The following ROR1 variants were observed in gnomAD, a reference collection of about 807,000 sequenced individuals.
ROR1 encodes inactive tyrosine-protein kinase transmembrane receptor ROR1.
Under a neutral mutation model 78.8 loss-of-function variants are expected in ROR1, and 19 were observed. The ratio of observed to expected loss-of-function variants is 0.24; its 90% CI spans 0.17 to 0.35. The LOEUF is 0.35. Ranked by LOEUF, ROR1 falls within the 10% of genes least tolerant of loss-of-function variation. ROR1 has a pLI of 1.00. For missense variants in ROR1, 917 were observed against 1,177.8 expected, an observed-to-expected ratio of 0.78 and a Z score of 3.24; for synonymous variants, 386 against 433.6, an observed-to-expected ratio of 0.89 and a Z score of 1.36.
intron 4 of ROR1, among the ~76,000 whole-genome samples, chr1:64,059,708 T>A (rs1384618909): frequency 2.3e-5 from 3 of 130,850 alleles, no homozygotes; most frequent in African/African-American, 2.9e-5. Flanking sequence ...GACTCCATCT[T>A]AAAAAAAAAA....
At chr1:63,812,330 T>C (rs927320572) in intron 1 of ROR1, among the ~76,000 whole-genome samples, 1 of 152,342 alleles carries the variant, frequency 6.6e-6, no homozygotes, top group Non-Finnish European at 1.5e-5. Flanking sequence ...TTACATATCA[T>C]CTGTGATTGC....
intron 1 of ROR1, among the ~76,000 whole-genome samples, chr1:63,983,610 G>A (rs1233915834): frequency 2.6e-5 from 4 of 152,152 alleles, no homozygotes; most frequent in Non-Finnish European, 5.9e-5. Context: ...CTGGTACCCT[G>A]CAATCCCTCC....
At chr1:64,046,111 A>G (rs900596246) in intron 2 of ROR1, among the ~76,000 whole-genome samples, 1 of 152,122 alleles carries the variant, frequency 6.6e-6, no homozygotes. Context: ...AGCTGCCCAT[A>G]TAGAAACACA....
At chr1:63,925,106 G>A (rs1245599511) in intron 1 of ROR1, among the ~76,000 whole-genome samples, 1 of 149,956 alleles carries the variant, frequency 6.7e-6, no homozygotes, top group Non-Finnish European at 1.5e-5. Context: ...CTGGTGCGCT[G>A]CACCCACTAA....
At chr1:63,840,924 A>G (rs1358536048) in intron 1 of ROR1, among the ~76,000 whole-genome samples, 1 of 152,172 alleles carries the variant, frequency 6.6e-6, no homozygotes, top group Non-Finnish European at 1.5e-5. Flanking sequence ...GTTAACTACT[A>G]CTGTTTTCAA....
At chr1:63,812,533 G>A (rs372505273) in intron 1 of ROR1, among the ~76,000 whole-genome samples, 28 of 152,122 alleles carry the variant, frequency 1.8e-4, no homozygotes, top group Non-Finnish European at 3.8e-4. Flanking sequence ...TGAATGAATG[G>A]ATGAATGAAT....
intron 2 of ROR1, among the ~76,000 whole-genome samples, chr1:64,014,762 A>ACGCACAC (rs1570060721): frequency 3.2e-5 from 2 of 63,396 alleles, no homozygotes; most frequent in East Asian, 1.8e-3. Context: ...ATATATATAT[A>ACGCACAC]TATATATATA....
intron 1 of ROR1, among the ~76,000 whole-genome samples, chr1:63,848,358 T>C (rs1645094462): frequency 6.6e-6 from 1 of 152,214 alleles, no homozygotes; most frequent in Admixed American, 6.5e-5. Flanking sequence ...AATAAGATCC[T>C]GTTACACATT....
chr1:64,162,373 G>C (rs1649970908), intron 8 of ROR1, among the ~76,000 whole-genome samples: 1 of 152,210 alleles, frequency 6.6e-6, no homozygotes, highest in African/African-American at 2.4e-5. Flanking sequence ...ATAGGGAGCT[G>C]CCGACAGACT....
At chr1:63,795,669 C>G (rs1644755905) in intron 1 of ROR1, among the ~76,000 whole-genome samples, 1 of 152,182 alleles carries the variant, frequency 6.6e-6, no homozygotes, top group Non-Finnish European at 1.5e-5. Context: ...TGTTTGAACA[C>G]TTAGACTGCT....
chr1:64,150,563 G>A (rs1202052163), intron 7 of ROR1, among the ~76,000 whole-genome samples: 2 of 152,204 alleles, frequency 1.3e-5, no homozygotes, highest in Admixed American at 1.3e-4. Context: ...TAGAAGACCT[G>A]TTGTAAGGCA....
chr1:64,164,193 G>A (rs1650022977), intron 8 of ROR1, among the ~76,000 whole-genome samples: 1 of 152,030 alleles, frequency 6.6e-6, no homozygotes, highest in African/African-American at 2.4e-5. Context: ...GCTCCCCCTT[G>A]AGTGTAATGA....
chr1:64,136,113 T>C (rs1255231485), intron 4 of ROR1, among the ~76,000 whole-genome samples: 1 of 152,184 alleles, frequency 6.6e-6, no homozygotes, highest in African/African-American at 2.4e-5. Context: ...AGAATAGCCA[T>C]ATATTATCTC....
Position 64,049,674 on chromosome 1 carries a change from CCT to C in ROR1, c.164-12_164-11del, listed in dbSNP as rs1292026219. On this transcript the variant is annotated splice_polypyrimidine_tract_variant and intron_variant, in intron 2 of 8. Coordinates refer to ENST00000371079, the MANE Select transcript of ROR1 (RefSeq NM_005012.4). ...AGCTGTCTGCCCCTCTCACCTGCCT[CCT>C]CTCTGTGCTCACAGATTCTTACCTG... is the stretch of plus-strand genomic sequence containing the variant. The C allele has an allele frequency of 6.2e-7, 1 of 1,607,508 alleles. No homozygotes were observed. Among genetic ancestry groups the C allele is most frequent in the Non-Finnish European group, 8.5e-7 (1 of 1,175,744 alleles).
chr1:63,824,017 G>A (rs979554414), intron 1 of ROR1, among the ~76,000 whole-genome samples: 2 of 152,122 alleles, frequency 1.3e-5, no homozygotes, highest in African/African-American at 4.8e-5. Context: ...CAAAGTATTG[G>A]AATTACAGGC....
chr1:63,789,042 C>T (rs1018343848), intron 1 of ROR1: 9 of 627,792 alleles, frequency 1.4e-5, no homozygotes, highest in East Asian at 1.1e-4. Flanking sequence ...CTCTGGCATC[C>T]GGGCATTGGT....
intron 1 of ROR1, among the ~76,000 whole-genome samples, chr1:63,833,384 G>T (rs1242766011): frequency 6.6e-6 from 1 of 152,172 alleles, no homozygotes; most frequent in Non-Finnish European, 1.5e-5. Flanking sequence ...TGACAAACCA[G>T]GTATGTCCAG....
chr1:63,824,079 A>G (rs1413823826), intron 1 of ROR1, among the ~76,000 whole-genome samples: 3 of 152,218 alleles, frequency 2.0e-5, no homozygotes, highest in Non-Finnish European at 4.4e-5. Context: ...AAGACATATT[A>G]ATATGAATTA....
intron 1 of ROR1, among the ~76,000 whole-genome samples, chr1:63,874,941 G>A (rs764798838): frequency 6.6e-6 from 1 of 152,124 alleles, no homozygotes; most frequent in Non-Finnish European, 1.5e-5. Context: ...TAAGCATAGA[G>A]TATGGTGGAG....
Sources: allele counts gnomAD v4.1 joint callset (sites outside exome capture counted in the v4.1 genomes callset), GRCh38; gene constraint gnomAD v4.1.1; transcripts MANE v1.5; gene names NCBI Gene and HGNC (gene_info 2026-07-23, HGNC 2026-07-21).